Variants in NALF1 observed in about 807,000 individuals in gnomAD.
NALF1 encodes the protein family with sequence similarity 155 member A.
In NALF1, 3 loss-of-function variants were observed where a neutral mutation model predicts 48.4. The observed-to-expected ratio is 0.06, with a 90% CI of 0.03 to 0.16. The LOEUF (loss-of-function observed/expected upper bound fraction) is 0.16. Among genes scored for constraint, NALF1 ranks in the 10% least tolerant of loss-of-function variants. The pLI, the probability that NALF1 is intolerant of heterozygous loss-of-function variation, is 1.00. For missense variants in NALF1, 526 were observed against 571.5 expected (o/e 0.92, Z 0.81); for synonymous variants, 262 against 245.7 (o/e 1.07, Z -0.62).
intron 1 of NALF1, among the ~76,000 whole-genome samples, chr13:107,602,804 T>C (rs1432836434): frequency 1.3e-5 from 2 of 152,222 alleles, no homozygotes; most frequent in African/African-American, 4.8e-5. Context: ...TCGATAGCCT[T>C]GCAGGACCAA....
At chr13:107,513,100 C>A (rs1487848759) in intron 1 of NALF1, among the ~76,000 whole-genome samples, 2 of 152,116 alleles carry the variant, frequency 1.3e-5, no homozygotes, top group Non-Finnish European at 2.9e-5. Context: ...AAGAACACAT[C>A]CTAGTGTGAA....
At chr13:107,423,722 T>C (rs552688927) in intron 1 of NALF1, among the ~76,000 whole-genome samples, 40 of 152,312 alleles carry the variant, frequency 2.6e-4, no homozygotes, top group Admixed American at 7.8e-4. Flanking sequence ...AATATTCTCA[T>C]ACTGAATATT....
intron 1 of NALF1, among the ~76,000 whole-genome samples, chr13:107,320,146 A>T (rs1324900284): frequency 6.6e-6 from 1 of 152,110 alleles, no homozygotes; most frequent in Non-Finnish European, 1.5e-5. Context: ...ACATATATAC[A>T]CTTCTCTAGG....
intron 1 of NALF1, among the ~76,000 whole-genome samples, chr13:107,305,428 CT>C (rs902985676): frequency 2.6e-5 from 4 of 152,064 alleles, no homozygotes; most frequent in South Asian, 2.1e-4. Context: ...TATCCACAAA[CT>C]TTTTTTTAAA....
chr13:107,325,241 A>C (rs572548866), intron 1 of NALF1, among the ~76,000 whole-genome samples: 3 of 152,296 alleles, frequency 2.0e-5, no homozygotes, highest in African/African-American at 7.2e-5. Flanking sequence ...ATAAAAAATA[A>C]AATTAAAATA....
intron 1 of NALF1, among the ~76,000 whole-genome samples, chr13:107,430,217 A>G (rs1321985560): frequency 6.6e-6 from 1 of 152,244 alleles, no homozygotes; most frequent in Non-Finnish European, 1.5e-5. Flanking sequence ...TGAAAAAGGC[A>G]GAAAATTCAG....
chr13:107,170,846 G>GT, intron 2 of NALF1, 60 bp from the exon 3 acceptor site: 2 of 1,494,400 alleles, frequency 1.3e-6, no homozygotes, highest in Non-Finnish European at 1.8e-6. Context: ...ACATAGTAGA[G>GT]TGAAGCTGTT....
At chr13:107,299,443 A>T (rs1385271307) in intron 1 of NALF1, among the ~76,000 whole-genome samples, 1 of 47,886 alleles carries the variant, frequency 2.1e-5, no homozygotes, top group East Asian at 4.3e-4. Flanking sequence ...CTCAATAATA[A>T]TAATAATAAT....
chr13:107,387,825 T>C (rs1014936290), intron 1 of NALF1, among the ~76,000 whole-genome samples: 4 of 152,216 alleles, frequency 2.6e-5, no homozygotes, highest in African/African-American at 7.2e-5. Context: ...AAAACCTAAG[T>C]CATTCTTCAG....
chr13:107,752,570 A>C (rs953395783), intron 1 of NALF1, among the ~76,000 whole-genome samples: 1 of 152,160 alleles, frequency 6.6e-6, no homozygotes, highest in African/African-American at 2.4e-5. Context: ...ATTTAAGATG[A>C]ATCTGCAGGG....
At chr13:107,444,095 A>G (rs967747521) in intron 1 of NALF1, among the ~76,000 whole-genome samples, 6 of 152,190 alleles carry the variant, frequency 3.9e-5, no homozygotes, top group African/African-American at 1.2e-4. Flanking sequence ...TTACTGACAG[A>G]ATAACCACAA....
chr13:107,287,841 G>A (rs1881529574), intron 1 of NALF1, among the ~76,000 whole-genome samples: 1 of 151,612 alleles, frequency 6.6e-6, no homozygotes. Context: ...GAGTAACTGG[G>A]ATTACAAGCG....
intron 1 of NALF1, among the ~76,000 whole-genome samples, chr13:107,614,353 T>C (rs560036918): frequency 2.0e-5 from 3 of 152,326 alleles, no homozygotes; most frequent in African/African-American, 7.2e-5. Context: ...CCAGGTGTTG[T>C]CTGCATCTGT....
chr13:107,866,358 T>TGCTGCTGCC lies in NALF1; in HGVS notation c.230_238dup (p.Arg77_Gln79dup). ...CTGCCTCTGCTGCTGCTGCTGCTGC[T>TGCTGCTGCC]GCTGCTGCCGCTGCTGCTGCTGGTG... On this transcript the variant is annotated inframe_insertion, in exon 1 of 3. Coordinates refer to ENST00000375915, the MANE Select transcript of NALF1 (RefSeq NM_001080396.3). This position sits in a 1 kb window ranked among gnomAD's most constrained non-coding sequence, Gnocchi z 4.4. 5 of 1,610,820 alleles carry TGCTGCTGCC rather than the reference T, an allele frequency of 3.1e-6. No homozygotes were observed. The highest frequency in any genetic ancestry group is 1.1e-5 in the South Asian group (1 of 90,884).
chr13:107,402,732 C>G (rs991491435), intron 1 of NALF1, among the ~76,000 whole-genome samples: 3 of 152,046 alleles, frequency 2.0e-5, no homozygotes, highest in African/African-American at 7.2e-5. Context: ...AAGAATTTAA[C>G]CTCTCTTGGC....
chr13:107,638,095 C>T (rs546151326), intron 1 of NALF1, among the ~76,000 whole-genome samples: 20 of 150,620 alleles, frequency 1.3e-4, no homozygotes, highest in Middle Eastern at 6.9e-3. Flanking sequence ...ACGACATCAT[C>T]TGTTCCTGCT....
chr13:107,518,020 A>G (rs1219616306), intron 1 of NALF1, among the ~76,000 whole-genome samples: 3 of 152,156 alleles, frequency 2.0e-5, no homozygotes, highest in Non-Finnish European at 2.9e-5. Flanking sequence ...CATAACCTAG[A>G]CAAAAACAAC....
At chr13:107,514,673 A>G (rs1876003250) in intron 1 of NALF1, among the ~76,000 whole-genome samples, 1 of 152,160 alleles carries the variant, frequency 6.6e-6, no homozygotes, top group Non-Finnish European at 1.5e-5. Flanking sequence ...AAATTAATAT[A>G]TGTTACTTTT....
At chr13:107,527,601 C>G (rs1296986513) in intron 1 of NALF1, among the ~76,000 whole-genome samples, 3 of 152,080 alleles carry the variant, frequency 2.0e-5, no homozygotes, top group Admixed American at 1.3e-4. Context: ...TGTGCCCCAT[C>G]CAAAGCACAT....
Sources: allele counts gnomAD v4.1 joint callset (sites outside exome capture counted in the v4.1 genomes callset), GRCh38; gene constraint gnomAD v4.1.1; non-coding constraint Gnocchi (gnomAD v3.1); transcripts MANE v1.5; gene names NCBI Gene and HGNC (gene_info 2026-07-23, HGNC 2026-07-21).